The following FHIT variants were observed in gnomAD, a reference collection of about 807,000 sequenced individuals.
FHIT encodes fragile histidine triad diadenosine triphosphatase.
A neutral mutation model predicts 17.9 loss-of-function variants in FHIT; 19 were observed. That is an observed-to-expected ratio of 1.06 (90% CI 0.74 to 1.56). The LOEUF (loss-of-function observed/expected upper bound fraction) is 1.56. Among genes scored for constraint, FHIT ranks in the 40% most tolerant of loss-of-function variants. The pLI, the probability that FHIT is intolerant of heterozygous loss-of-function variation, is 0.00. For missense variants in FHIT, 248 were observed against 189.2 expected, an observed-to-expected ratio of 1.31 and a Z score of -1.82; for synonymous variants, 81 against 69.7, an observed-to-expected ratio of 1.16 and a Z score of -0.81.
chr3:60,133,492 T>C (rs1000462508), intron 5 of FHIT, among the ~76,000 whole-genome samples: 34 of 152,122 alleles, frequency 2.2e-4, no homozygotes, highest in African/African-American at 6.3e-4. Flanking sequence ...TGGCTCAGCA[T>C]CTTGTCTACC....
chr3:60,380,504 C>T (rs1700753868), intron 5 of FHIT, among the ~76,000 whole-genome samples: 1 of 152,042 alleles, frequency 6.6e-6, no homozygotes, highest in South Asian at 2.1e-4. Flanking sequence ...CAGTCAGTGT[C>T]GTTATTTTCA....
intron 8 of FHIT, among the ~76,000 whole-genome samples, chr3:59,838,962 G>C (rs1464977980): frequency 6.6e-6 from 1 of 151,990 alleles, no homozygotes; most frequent in African/African-American, 2.4e-5. Context: ...TTTGGGATCT[G>C]GGTGACCTTT....
At chr3:60,456,887 C>G (rs935953626) in intron 5 of FHIT, among the ~76,000 whole-genome samples, 1 of 152,018 alleles carries the variant, frequency 6.6e-6, no homozygotes, top group African/African-American at 2.4e-5. Context: ...GGTGAAGGAC[C>G]TCTTCAAGGA....
intron 4 of FHIT, among the ~76,000 whole-genome samples, chr3:60,545,180 G>A (rs1315060989): frequency 1.3e-5 from 2 of 151,282 alleles, no homozygotes; most frequent in African/African-American, 2.4e-5. Context: ...CTTTTTACTG[G>A]ATTTAAAAAT....
intron 7 of FHIT, among the ~76,000 whole-genome samples, chr3:59,963,424 C>T (rs945640813): frequency 6.6e-6 from 1 of 151,966 alleles, no homozygotes; most frequent in African/African-American, 2.4e-5. Flanking sequence ...GTTAGTTCCT[C>T]AAATTATTCA....
chr3:60,956,599 C>G (rs1709173108), intron 3 of FHIT, among the ~76,000 whole-genome samples: 3 of 152,222 alleles, frequency 2.0e-5, no homozygotes, highest in Admixed American at 2.0e-4. Flanking sequence ...CTAATTAACC[C>G]AACCAAGGTC....
At position 60,132,340 on chromosome 3, in the gene FHIT, T is replaced by C. The variant is rs199508544; in HGVS notation, c.104-118188A>G. 3.0e-4 allele frequency among the ~76,000 whole-genome samples: 46 copies of C among 152,342 alleles called. No homozygotes were observed. In the East Asian group the frequency reaches 7.7e-3, roughly 26 times the overall value. On this transcript the variant is annotated intron_variant, in intron 5 of 9. Coordinates refer to ENST00000492590, the MANE Select transcript of FHIT (RefSeq NM_002012.4). ...ACATCCCATGCATTTAACTCAGAGC[T>C]TGGCTCAGGTTAGATGGTCACTAGT... is the stretch of plus-strand genomic sequence containing the variant.
At chr3:61,176,913 C>T (rs1053823127) in intron 2 of FHIT, among the ~76,000 whole-genome samples, 2 of 152,168 alleles carry the variant, frequency 1.3e-5, no homozygotes, top group African/African-American at 4.8e-5. Flanking sequence ...TGGTGGCTCA[C>T]GCCTGTAACC....
chr3:61,069,632 G>C (rs1484093720), intron 2 of FHIT, among the ~76,000 whole-genome samples: 3 of 152,162 alleles, frequency 2.0e-5, no homozygotes, highest in Admixed American at 1.3e-4. Context: ...AGATAATCTA[G>C]AGTGGCAGGC....
chr3:60,347,073 T>G (rs941100664), intron 5 of FHIT, among the ~76,000 whole-genome samples: 1 of 151,624 alleles, frequency 6.6e-6, no homozygotes, highest in Admixed American at 6.6e-5. Context: ...TTCTTGAATT[T>G]TTTTTTTCCA....
At chr3:60,154,205 G>C (rs753817037) in intron 5 of FHIT, among the ~76,000 whole-genome samples, 1 of 152,190 alleles carries the variant, frequency 6.6e-6, no homozygotes, top group South Asian at 2.1e-4. Flanking sequence ...GCCAAGGTCT[G>C]ATTTTTCACT....
At chr3:59,979,530 T>C (rs1013575716) in intron 7 of FHIT, among the ~76,000 whole-genome samples, 9 of 152,142 alleles carry the variant, frequency 5.9e-5, no homozygotes, top group Admixed American at 5.9e-4. Context: ...AGAGAATCCC[T>C]TGGGGACATT....
At chr3:60,025,212 C>T (rs1335779303) in intron 5 of FHIT, among the ~76,000 whole-genome samples, 1 of 152,168 alleles carries the variant, frequency 6.6e-6, no homozygotes, top group East Asian at 1.9e-4. Context: ...ATAACTAGAG[C>T]AGAGTTTCCT....
At chr3:60,834,923 G>C (rs1319677156) in intron 3 of FHIT, among the ~76,000 whole-genome samples, 1 of 149,450 alleles carries the variant, frequency 6.7e-6, no homozygotes, top group Non-Finnish European at 1.5e-5. Context: ...AAAAGCAAAA[G>C]TTTTAATTCT....
intron 5 of FHIT, among the ~76,000 whole-genome samples, chr3:60,304,087 G>A (rs377238511): frequency 7.2e-5 from 11 of 151,866 alleles, no homozygotes; most frequent in Non-Finnish European, 1.5e-4. Context: ...CCTTCTTTAC[G>A]TAGACACACA....
At chr3:61,092,602 A>G (rs2035520185) in intron 2 of FHIT, among the ~76,000 whole-genome samples, 1 of 152,086 alleles carries the variant, frequency 6.6e-6, no homozygotes, top group East Asian at 1.9e-4. Flanking sequence ...TGTTCAAGTT[A>G]TTTAGTAGTA....
chr3:59,840,224 G>A (rs1474288224), intron 8 of FHIT, among the ~76,000 whole-genome samples: 2 of 152,032 alleles, frequency 1.3e-5, no homozygotes, highest in Non-Finnish European at 2.9e-5. Flanking sequence ...CATTCAGAGA[G>A]CCAAAATGCA....
chr3:60,075,926 A>T (rs1489300023), intron 5 of FHIT, among the ~76,000 whole-genome samples: 1 of 152,056 alleles, frequency 6.6e-6, no homozygotes, highest in Non-Finnish European at 1.5e-5. Context: ...ATCATTTGTA[A>T]GCAAAAGTAC....
chr3:59,933,071 A>G (rs1706054632), intron 7 of FHIT, among the ~76,000 whole-genome samples: 1 of 152,142 alleles, frequency 6.6e-6, no homozygotes, highest in African/African-American at 2.4e-5. Flanking sequence ...CTCCTGTAGT[A>G]GTAAGTTAAC....
Sources: allele counts gnomAD v4.1 joint callset (sites outside exome capture counted in the v4.1 genomes callset), GRCh38; gene constraint gnomAD v4.1.1; transcripts MANE v1.5; gene names NCBI Gene and HGNC (gene_info 2026-07-23, HGNC 2026-07-21).